The following TENM4 variants were observed in gnomAD, a reference collection of about 807,000 sequenced individuals.
TENM4 encodes the protein teneurin-4.
In TENM4, 82 loss-of-function variants were observed where a neutral mutation model predicts 243.3. The observed-to-expected ratio is 0.34, with a 90% CI of 0.28 to 0.40. The LOEUF (loss-of-function observed/expected upper bound fraction) is 0.40, where lower values mean the gene tolerates loss of function less well. TENM4 is among the 10% of genes least tolerant of loss of function. TENM4 has a pLI of 1.00. For synonymous variants in TENM4, 1,412 were observed against 1,456.3 expected, an observed-to-expected ratio of 0.97 and a Z score of 0.69; for missense variants, 3,138 against 3,673.3, an observed-to-expected ratio of 0.85 and a Z score of 3.77.
At chr11:79,284,936 A>G (rs1267312109) in intron 2 of TENM4, among the ~76,000 whole-genome samples, 1 of 152,142 alleles carries the variant, frequency 6.6e-6, no homozygotes, top group Non-Finnish European at 1.5e-5. Flanking sequence ...CCATAAGAAC[A>G]TGTAAAGATG....
chr11:78,655,977 G>C lies in TENM4; in HGVS notation c.*2081C>G, dbSNP rs1857880491. ...TGGATCCAGGGGCAATGGGCAACCAGTGGACAAGCAGGCCAAAGCGCACTG... is the reference window on the plus strand; with the variant it reads ...TGGATCCAGGGGCAATGGGCAACCACTGGACAAGCAGGCCAAAGCGCACTG... On this transcript the variant is annotated 3_prime_UTR_variant, in exon 34 of 34. Coordinates refer to ENST00000278550, the MANE Select transcript of TENM4 (RefSeq NM_001098816.3). 1 of 152,252 alleles carries C rather than the reference G, an allele frequency of 6.6e-6. No individual in the cohort carries two copies. Among genetic ancestry groups the C allele is most frequent in the Admixed American group, 6.5e-5 (1 of 15,282 alleles). 9.4% of individuals were successfully genotyped at this position (152,252 alleles called of 1,614,324 possible). A position where few individuals can be genotyped will look rare whatever the true frequency, so the allele number is the denominator to read the frequency against.
At chr11:78,784,402 TC>T (rs1459081404) in intron 16 of TENM4, among the ~76,000 whole-genome samples, 1 of 152,216 alleles carries the variant, frequency 6.6e-6, no homozygotes, top group African/African-American at 2.4e-5. Context: ...ATTGAAGTGT[TC>T]CTTCAGCACG....
chr11:78,801,322 T>G (rs1857278248), intron 15 of TENM4, among the ~76,000 whole-genome samples: 1 of 152,112 alleles, frequency 6.6e-6, no homozygotes, highest in Admixed American at 6.5e-5. Flanking sequence ...CACAAGTGAC[T>G]CAGGAAGTGA....
At chr11:79,367,371 G>A (rs1052517225) in intron 1 of TENM4, among the ~76,000 whole-genome samples, 5 of 152,150 alleles carry the variant, frequency 3.3e-5, no homozygotes, top group Non-Finnish European at 7.3e-5. Context: ...CAGCCAGAAA[G>A]ATTATTTTTA....
chr11:78,761,326 G>A (rs1213008885), intron 18 of TENM4, among the ~76,000 whole-genome samples: 3 of 151,518 alleles, frequency 2.0e-5, no homozygotes, highest in Non-Finnish European at 2.9e-5. Flanking sequence ...TGCAAGCTCC[G>A]CCTCCCGGGT....
intron 6 of TENM4, among the ~76,000 whole-genome samples, chr11:78,973,678 A>G (rs1215144166): frequency 4.6e-5 from 7 of 152,110 alleles, no homozygotes; most frequent in Admixed American, 4.6e-4. Context: ...ACATCAATGA[A>G]CAAGTAAGCA....
intron 4 of TENM4, among the ~76,000 whole-genome samples, chr11:79,132,366 A>AAAAAAAAAAAAAAAAAAAAAAAAAAAAC (rs1862025759): frequency 6.7e-6 from 1 of 149,570 alleles, no homozygotes; most frequent in Non-Finnish European, 1.5e-5. Context: ...AAAAAAAGAG[A>AAAAAAAAAAAAAAAAAAAAAAAAAAAAC]AATGAGATAG....
intron 4 of TENM4, among the ~76,000 whole-genome samples, chr11:79,106,213 G>A (rs1189407237): frequency 6.6e-6 from 1 of 152,212 alleles, no homozygotes; most frequent in Non-Finnish European, 1.5e-5. Context: ...CCTAACTCAA[G>A]TCTAGCGCCA....
chr11:78,791,201 T>G (rs1479305424), intron 15 of TENM4, among the ~76,000 whole-genome samples: 1 of 152,224 alleles, frequency 6.6e-6, no homozygotes, highest in Admixed American at 6.5e-5. Flanking sequence ...GTGATGCTAC[T>G]TTACCATTTG....
chr11:79,108,270 TA>T (rs1435465470), intron 4 of TENM4, among the ~76,000 whole-genome samples: 6 of 152,178 alleles, frequency 3.9e-5, no homozygotes, highest in Non-Finnish European at 7.3e-5. Flanking sequence ...GATGACTTGA[TA>T]ATACGAGTGG....
chr11:79,090,472 A>T (rs1860918834), intron 4 of TENM4, among the ~76,000 whole-genome samples: 1 of 152,244 alleles, frequency 6.6e-6, no homozygotes, highest in Non-Finnish European at 1.5e-5. Flanking sequence ...AGAGGGCTGC[A>T]CTGTTGAGAA....
At chr11:78,744,841 T>A (rs780407595) in intron 19 of TENM4, among the ~76,000 whole-genome samples, 4 of 152,232 alleles carry the variant, frequency 2.6e-5, no homozygotes, top group Non-Finnish European at 5.9e-5. Flanking sequence ...TTTGACTCTT[T>A]AAGTGAACTC....
chr11:79,196,956 T>G (rs1421386666), intron 3 of TENM4, among the ~76,000 whole-genome samples: 1 of 152,180 alleles, frequency 6.6e-6, no homozygotes, highest in Admixed American at 6.5e-5. Context: ...GGATGCGTGT[T>G]CAGCAGATGG....
At chr11:78,987,603 T>C (rs1857948091) in intron 6 of TENM4, among the ~76,000 whole-genome samples, 1 of 152,238 alleles carries the variant, frequency 6.6e-6, no homozygotes, top group Non-Finnish European at 1.5e-5. Context: ...TACATGTAAG[T>C]GTACTTTACA....
At chr11:79,172,380 C>G (rs1863064406) in intron 3 of TENM4, among the ~76,000 whole-genome samples, 1 of 152,218 alleles carries the variant, frequency 6.6e-6, no homozygotes, top group South Asian at 2.1e-4. Flanking sequence ...TATTCATTCA[C>G]TTATCCATTT....
chr11:79,066,736 G>T (rs866112681), intron 5 of TENM4, among the ~76,000 whole-genome samples: 1 of 146,502 alleles, frequency 6.8e-6, no homozygotes, highest in East Asian at 2.0e-4. Context: ...ACACGCGCAC[G>T]CACATGCACA....
At chr11:79,266,208 A>G (rs1036713420) in intron 2 of TENM4, among the ~76,000 whole-genome samples, 1 of 152,196 alleles carries the variant, frequency 6.6e-6, no homozygotes, top group Non-Finnish European at 1.5e-5. Flanking sequence ...TGCTCAGTAA[A>G]TGTTAGATGA....
At position 78,658,144 on chromosome 11, in the gene TENM4, C is replaced by T. The variant is rs371501350; in HGVS notation, c.8224G>A (p.Val2742Met). The T allele has an allele frequency of 2.3e-4, 375 of 1,614,014 alleles. 1 individual carries two copies. In the South Asian group the frequency reaches 3.0e-3, roughly 13 times the overall value. ...TCTGGGTACTGCTCGACAGAGATCA[C>T]GAAAAAGCCGTCGTAGCCTTGCACC... ...GRVQGYDGFF[V>M]ISVEQYPELS... Residue 2742 changes from valine to methionine, a missense_variant, in exon 34 of 34, where the codon GTG becomes ATG. By Grantham distance (21) the Val-to-Met change is conservative. Coordinates refer to ENST00000278550, the MANE Select transcript of TENM4 (RefSeq NM_001098816.3).
intron 15 of TENM4, among the ~76,000 whole-genome samples, chr11:78,794,494 G>A (rs2136057870): frequency 6.6e-6 from 1 of 152,366 alleles, no homozygotes; most frequent in East Asian, 1.9e-4. Flanking sequence ...CCTGGCGAAT[G>A]AGAGCGAGAA....
Sources: gnomAD v4.1 joint callset for allele counts (sites outside exome capture counted in the v4.1 genomes callset) on GRCh38, gnomAD v4.1.1 for gene constraint, MANE v1.5 for transcripts, NCBI Gene and HGNC (gene_info 2026-07-23, HGNC 2026-07-21) for gene names.